Variants in SLC2A14 observed in about 807,000 individuals in gnomAD.
The protein encoded by SLC2A14 is solute carrier family 2 member 14.
Under a neutral mutation model 43.0 loss-of-function variants are expected in SLC2A14, and 13 were observed. That is an observed-to-expected ratio of 0.30 (90% confidence interval 0.20 to 0.48). SLC2A14 has a LOEUF of 0.48. SLC2A14 is among the 20% of genes least tolerant of loss of function. The pLI is 0.99. For missense variants in SLC2A14, 428 were observed against 620.4 expected (o/e 0.69, Z 3.29); for synonymous variants, 190 against 233.8 (o/e 0.81, Z 1.71).
chr12:7,882,185 T>C (rs1426429289), intron 1 of SLC2A14, among the ~76,000 whole-genome samples: 2 of 152,054 alleles, frequency 1.3e-5, no homozygotes, highest in Non-Finnish European at 2.9e-5. Flanking sequence ...CGTGAAAGTC[T>C]GTAGCTTTAC....
rs867975846 is a variant in SLC2A14, at chr12:7,886,132, T to C, written c.132+4864A>G. Among the ~76,000 whole-genome samples the C allele has an allele frequency of 2.2e-4, 31 of 137,968 alleles. 1 individual carries two copies. In the Middle Eastern group the frequency reaches 0.012, roughly 53 times the overall value. 90.5% of individuals were successfully genotyped at this position (137,968 alleles called of 152,430 possible). On this transcript the variant is annotated intron_variant, in intron 1 of 9. Coordinates refer to the SLC2A14 transcript ENST00000539924. ...CTGAGTAGCTGGGATTACAGGCATGTACCACCACGCCCGGACAGCTTTTTT... is the reference window on the plus strand; with the variant it reads ...CTGAGTAGCTGGGATTACAGGCATGCACCACCACGCCCGGACAGCTTTTTT...
chr12:7,825,535 G>A (rs368461191), intron 7 of SLC2A14, among the ~76,000 whole-genome samples: 2 of 143,808 alleles, frequency 1.4e-5, no homozygotes, highest in Non-Finnish European at 3.2e-5. Context: ...AGGCCGAGGC[G>A]GGCAGATCAC....
upstream of SLC2A14, among the ~76,000 whole-genome samples, chr12:7,875,138 A>AATATTATATTTAAAATTAAATATATAT (rs1945436036): frequency 7.3e-6 from 1 of 136,706 alleles, no homozygotes; most frequent in Admixed American, 8.0e-5. Context: ...AATATATTTA[A>AATATTATATTTAAAATTAAATATATAT]ATATTATATT....
At chr12:7,881,355 C>T (rs1238773942) in intron 1 of SLC2A14, among the ~76,000 whole-genome samples, 2 of 151,826 alleles carry the variant, frequency 1.3e-5, no homozygotes, top group Non-Finnish European at 2.9e-5. Context: ...TTGGGCTCGG[C>T]GGGCCCCGCA....
chr12:7,821,555 C>A (rs1206941559), intron 7 of SLC2A14, among the ~76,000 whole-genome samples: 1 of 152,104 alleles, frequency 6.6e-6, no homozygotes, highest in African/African-American at 2.4e-5. Flanking sequence ...TGGTGGCACA[C>A]ACCTGTAGTC....
rs1157561054 is a variant in SLC2A14 at position 7,826,893 on chromosome 12, CT to C, written c.864+601del. ...TCTTTCTTTCTTTCTTTCTTTCTTT[CT>C]TTCTTTCTTTCTTTCTTTCTTTTTC... On this transcript the variant is annotated intron_variant, in intron 7 of 10. Transcript: ENST00000431042. Among the ~76,000 whole-genome samples, 178 of 64,142 alleles carry C rather than the reference CT, an allele frequency of 2.8e-3. 9 individuals carry two copies. Among genetic ancestry groups the C allele is most frequent in the South Asian group, 4.0e-3 (9 of 2,252 alleles). The allele number at this position is 64,142 out of a possible 152,430, so 42.1% of individuals were successfully genotyped here.
Position 7,814,348 on chromosome 12 carries a change from C to T in SLC2A14, c.1462G>A (p.Glu488Lys), listed in dbSNP as rs375233021. 8 of 1,609,570 alleles carry T rather than the reference C, an allele frequency of 5.0e-6. No individual in the cohort carries two copies. The highest frequency in any genetic ancestry group is 5.9e-6 in the Non-Finnish European group (7 of 1,178,196). ...KDGVMGMNSI[E>K]PAKETTTNV Reference sequence around the variant, plus strand: ...TTGGTGGTGGTCTCCTTAGCAGGCTCGATGCTGTTCATCCCCATGACGCCG... The same window carrying T: ...TTGGTGGTGGTCTCCTTAGCAGGCTTGATGCTGTTCATCCCCATGACGCCG... Residue 488 changes from glutamate (E) to lysine (K), a missense_variant, in exon 11 of 11, where the codon GAG (glutamate) becomes AAG (lysine). Around this residue, in one of 4 missense-constraint regions of SLC2A14, gnomAD observed 119 missense variants for 188.7 expected, o/e 0.63. Coordinates refer to ENST00000431042, the MANE Select transcript of SLC2A14 (RefSeq NM_001286234.2).
At chr12:7,821,051 C>T (rs986855903) in intron 8 of SLC2A14, among the ~76,000 whole-genome samples, 170 bp downstream of exon 8, 3 of 152,088 alleles carry the variant, frequency 2.0e-5, no homozygotes, top group Non-Finnish European at 2.9e-5. Context: ...TGCACCACTG[C>T]ACTCCAGCCT....
At chr12:7,871,976 G>C (rs1461717719) in intron 1 of SLC2A14, 6 of 811,244 alleles carry the variant, frequency 7.4e-6, no homozygotes, top group Non-Finnish European at 8.9e-6. Context: ...ACAAAAAAAA[G>C]AAAAAGAAAA....
intron 1 of SLC2A14, chr12:7,871,781 C>T (rs922846994): frequency 4.9e-6 from 2 of 408,756 alleles, no homozygotes; most frequent in African/African-American, 4.3e-5. Flanking sequence ...CATGCATCCC[C>T]ACCCAAACAC....
At chr12:7,821,452 G>T (rs1863901738) in intron 7 of SLC2A14, 127 bp from the exon 8 acceptor site, 2 of 728,352 alleles carry the variant, frequency 2.7e-6, no homozygotes, top group Non-Finnish European at 4.7e-6. Context: ...GGAGGCCAAG[G>T]CAAGCAGATC....
intron 7 of SLC2A14, among the ~76,000 whole-genome samples, chr12:7,823,247 G>A (rs927688839): frequency 6.6e-6 from 1 of 152,054 alleles, no homozygotes; most frequent in Non-Finnish European, 1.5e-5. Context: ...GCTGGGTGTG[G>A]TGGTGGGTAC....
chr12:7,869,790 A>G, intron 2 of SLC2A14, 73 bp downstream of exon 2: 1 of 949,502 alleles, frequency 1.1e-6, no homozygotes, highest in Non-Finnish European at 1.6e-6. Flanking sequence ...GTTTAGGAAG[A>G]TGATAGGTAC....
chr12:7,862,666 TG>T (rs1039541451), intron 2 of SLC2A14, among the ~76,000 whole-genome samples: 4 of 152,108 alleles, frequency 2.6e-5, no homozygotes, highest in African/African-American at 9.7e-5. Context: ...GGTGGGCACT[TG>T]GAGAACCTTT....
chr12:7,814,521 G>C lies in SLC2A14; in HGVS notation c.1289C>G (p.Ala430Gly), dbSNP rs202212665. Residue 430 changes from alanine (A) to glycine (G), a missense_variant, in exon 11 of 11, where the codon GCC becomes GGC. Ala to Gly is a moderately conservative substitution (Grantham distance 60). Transcript: ENST00000431042. ...LFPSAAYYLGAYVFIIFTGFL... is the reference protein window; with the variant it reads ...LFPSAAYYLGGYVFIIFTGFL... ...GCCGGTGAAGATAATAAAAACGTAGGCTCCTAAATAGTACTAGTGAAAGGA... is the reference window on the plus strand; with the variant it reads ...GCCGGTGAAGATAATAAAAACGTAGCCTCCTAAATAGTACTAGTGAAAGGA... 120 of 1,613,574 alleles carry C rather than the reference G, an allele frequency of 7.4e-5. 1 individual carries two copies. In the Admixed American group the frequency reaches 2.0e-3, roughly 27 times the overall value.
intron 2 of SLC2A14, among the ~76,000 whole-genome samples, chr12:7,857,232 A>G (rs1325498578): frequency 6.6e-6 from 1 of 151,948 alleles, no homozygotes; most frequent in African/African-American, 2.4e-5. Flanking sequence ...CCTGGGTGAC[A>G]GAGCAAGAAT....
upstream of SLC2A14, among the ~76,000 whole-genome samples, chr12:7,877,213 G>T (rs1397925605): frequency 1.3e-5 from 2 of 151,940 alleles, no homozygotes; most frequent in African/African-American, 4.8e-5. Flanking sequence ...GGCCAGGCTG[G>T]TCTTGAACTC....
At position 7,878,993 on chromosome 12, in the gene SLC2A14, A is replaced by AAC. The variant is rs1555149663; in HGVS notation, c.132+12002_132+12003insGT. Among the ~76,000 whole-genome samples, 52 of 137,742 alleles carry AAC rather than the reference A, an allele frequency of 3.8e-4. 3 individuals are homozygous for AAC. The highest frequency in any genetic ancestry group is 8.5e-4 in the East Asian group (4 of 4,702). The allele number at this position is 137,742 out of a possible 152,430, so 90.4% of individuals were successfully genotyped here. A position where few individuals can be genotyped will look rare whatever the true frequency, so the allele number is the denominator to read the frequency against. On this transcript the variant is annotated intron_variant, in intron 1 of 9. Coordinates refer to the SLC2A14 transcript ENST00000539924. ...GTCCGTCTCAAAAAAAAAAAAAAAA[A>AAC]AAAAAAAAAAAACAATTTGTCTTTC...
At chr12:7,861,961 CAAAA>C (rs398018322) in intron 2 of SLC2A14, among the ~76,000 whole-genome samples, 1 of 132,190 alleles carries the variant, frequency 7.6e-6, no homozygotes, top group Non-Finnish European at 1.6e-5. Context: ...GACTCCATTT[CAAAA>C]AAAAAAAAAC....
Sources: allele counts gnomAD v4.1 joint callset (sites outside exome capture counted in the v4.1 genomes callset), GRCh38; gene constraint gnomAD v4.1.1; regional missense constraint gnomAD v4.1.1; transcripts MANE v1.5; gene names NCBI Gene and HGNC (gene_info 2026-07-23, HGNC 2026-07-21).